NELL2: variants seen among roughly 807,000 people sequenced by gnomAD.
The protein encoded by NELL2 is neural EGFL like 2.
In NELL2, 41 loss-of-function variants were observed where a neutral mutation model predicts 109.6. The ratio of observed to expected loss-of-function variants is 0.37; its 90% CI spans 0.29 to 0.49. The LOEUF (loss-of-function observed/expected upper bound fraction) is 0.49, where lower values mean the gene tolerates loss of function less well. Ranked by LOEUF, NELL2 falls within the 20% of genes least tolerant of loss-of-function variation. The pLI, the probability that NELL2 is intolerant of heterozygous loss-of-function variation, is 0.98. For missense variants in NELL2, 900 were observed against 1,008.3 expected (o/e 0.89, Z 1.45); for synonymous variants, 355 against 344.7 (o/e 1.03, Z -0.33).
At position 44,610,862 on chromosome 12, in the gene NELL2, C is replaced by G. The variant is rs1389364667; in HGVS notation, c.1553G>C (p.Gly518Ala). The G allele has an allele frequency of 6.2e-7, 1 of 1,613,018 alleles. No individual in the cohort carries two copies. The highest frequency in any genetic ancestry group is 1.7e-4 in the Middle Eastern group (1 of 6,056). The change falls in exon 14 of 20, where the codon GGA becomes GCA. Residue 518 changes from glycine (G) to alanine (A), a missense_variant. Transcript: ENST00000429094. Reference sequence around the variant, plus strand: ...AAACCTTTTACCTTTGCATGTCGTTCCATTCCCTGTATAGCCCGGCTTGCA... The same window carrying G: ...AAACCTTTTACCTTTGCATGTCGTTGCATTCCCTGTATAGCCCGGCTTGCA... ...CVCKPGYTGN[G>A]TTCKAFCKDG... is the part of the protein sequence containing the mutation.
In NELL2 at chr12:44,524,275, C is replaced by T. The variant is rs560276548; in HGVS notation, c.1805-791G>A. On this transcript the variant is annotated intron_variant, in intron 16 of 19. Transcript: ENST00000429094. ...AGATGAAAAGCAAACATATCGTGAC[C>T]CACAGATCAGGTCCATAAGAGGAGA... Among the ~76,000 whole-genome samples the T allele has an allele frequency of 2.2e-4, 34 of 152,258 alleles. No individual in the cohort carries two copies. The South Asian group carries it at 6.8e-3, about 31-fold the overall frequency.
At chr12:44,888,417 A>C (rs575063416) in intron 1 of NELL2, among the ~76,000 whole-genome samples, 2 of 149,456 alleles carry the variant, frequency 1.3e-5, no homozygotes, top group Admixed American at 6.7e-5. Context: ...ACTATTTGAC[A>C]AACCTTCACC....
intron 13 of NELL2, among the ~76,000 whole-genome samples, chr12:44,657,463 C>A (rs575271267): frequency 6.6e-6 from 1 of 152,170 alleles, no homozygotes; most frequent in South Asian, 2.1e-4. Context: ...TATGAGACCA[C>A]ATTTAAAAGA....
chr12:44,839,565 C>T (rs943085305), intron 2 of NELL2, among the ~76,000 whole-genome samples: 2 of 152,166 alleles, frequency 1.3e-5, no homozygotes, highest in Admixed American at 1.3e-4. Flanking sequence ...CCAAAAAGGG[C>T]TCTCAGTTTT....
At chr12:44,757,389 A>G in intron 9 of NELL2, among the ~76,000 whole-genome samples, 1 of 152,016 alleles carries the variant, frequency 6.6e-6, no homozygotes, top group South Asian at 2.1e-4. Context: ...AACCCTTCAA[A>G]TGCTTCCTAA....
chr12:44,653,725 A>G (rs2136320262), intron 13 of NELL2, among the ~76,000 whole-genome samples: 1 of 152,312 alleles, frequency 6.6e-6, no homozygotes. Flanking sequence ...TGCATTGATT[A>G]TTGGAAGTCT....
chr12:44,826,418 A>G (rs1212351553), intron 2 of NELL2, among the ~76,000 whole-genome samples: 1 of 152,236 alleles, frequency 6.6e-6, no homozygotes, highest in African/African-American at 2.4e-5. Context: ...TAAAACTATT[A>G]TGATAGTTAC....
chr12:44,791,793 A>T (rs916444542), intron 3 of NELL2, among the ~76,000 whole-genome samples: 1 of 152,116 alleles, frequency 6.6e-6, no homozygotes, highest in Non-Finnish European at 1.5e-5. Flanking sequence ...TGTTATATTT[A>T]AGGTACCTAA....
chr12:44,826,762 C>A lies in NELL2; in HGVS notation c.185-10626G>T, dbSNP rs142026066. 1.6e-3 allele frequency among the ~76,000 whole-genome samples: 236 copies of A among 152,210 alleles called. 1 individual carries two copies. Among genetic ancestry groups the A allele is most frequent in the Non-Finnish European group, 2.4e-3 (162 of 68,008 alleles). On this transcript the variant is annotated intron_variant, in intron 2 of 19. Coordinates refer to ENST00000429094, the MANE Select transcript of NELL2 (RefSeq NM_001145108.2). Reference sequence around the variant, plus strand: ...ATTACAGCAGTATATAGGGATGAACCCACCAAATTCAAGTGGCAGAGCCAG... The same window carrying A: ...ATTACAGCAGTATATAGGGATGAACACACCAAATTCAAGTGGCAGAGCCAG...
chr12:44,579,491 T>G (rs527664330), intron 15 of NELL2, among the ~76,000 whole-genome samples: 73 of 152,334 alleles, frequency 4.8e-4, no homozygotes, highest in African/African-American at 1.7e-3. Context: ...TTCGAGACAG[T>G]GGAAGTAGAC....
chr12:44,605,598 C>T (rs990625337), intron 15 of NELL2, among the ~76,000 whole-genome samples: 2 of 152,162 alleles, frequency 1.3e-5, no homozygotes, highest in East Asian at 1.9e-4. Flanking sequence ...CAGATTTCTA[C>T]AATCTTGTGA....
chr12:44,695,461 G>T (rs756699370), intron 12 of NELL2, among the ~76,000 whole-genome samples: 6 of 152,154 alleles, frequency 3.9e-5, no homozygotes, highest in Non-Finnish European at 5.9e-5. Flanking sequence ...ACTTAAGAAG[G>T]CTGAGTGGGA....
intron 13 of NELL2, among the ~76,000 whole-genome samples, chr12:44,631,962 A>G (rs1197598111): frequency 6.6e-6 from 1 of 152,168 alleles, no homozygotes; most frequent in Non-Finnish European, 1.5e-5. Context: ...GTATATAAAA[A>G]GGATCATACA....
chr12:44,585,215 C>T (rs1188516644), intron 15 of NELL2, among the ~76,000 whole-genome samples: 2 of 152,126 alleles, frequency 1.3e-5, no homozygotes, highest in African/African-American at 2.4e-5. Flanking sequence ...TTTACAGAAA[C>T]GCTTACACAT....
intron 15 of NELL2, among the ~76,000 whole-genome samples, chr12:44,587,494 G>T (rs150720987): frequency 6.6e-6 from 1 of 151,590 alleles, no homozygotes; most frequent in African/African-American, 2.4e-5. Flanking sequence ...TCATAGCTTG[G>T]CCAAGGGAAT....
chr12:44,782,426 G>C (rs1164949823), intron 3 of NELL2, among the ~76,000 whole-genome samples: 1 of 151,860 alleles, frequency 6.6e-6, no homozygotes, highest in Non-Finnish European at 1.5e-5. Flanking sequence ...AAAGTAAATA[G>C]TTTACATGCA....
intron 19 of NELL2, among the ~76,000 whole-genome samples, chr12:44,518,356 T>A (rs1471389337): frequency 2.0e-5 from 3 of 151,956 alleles, no homozygotes; most frequent in East Asian, 1.9e-4. Flanking sequence ...GCCATTCTCC[T>A]ACCTCAGCCT....
At chr12:44,878,367 C>G (rs1004101640), upstream of NELL2, among the ~76,000 whole-genome samples, 1 of 152,126 alleles carries the variant, frequency 6.6e-6, no homozygotes, top group Non-Finnish European at 1.5e-5. Flanking sequence ...TTCTCTAAAA[C>G]TAAGGTATAA....
intron 12 of NELL2, among the ~76,000 whole-genome samples, chr12:44,685,064 T>G (rs1948667948): frequency 6.6e-6 from 1 of 152,114 alleles, no homozygotes; most frequent in Non-Finnish European, 1.5e-5. Context: ...AGTCTCTTTG[T>G]AGGTCACTCA....
Sources: allele counts gnomAD v4.1 joint callset (sites outside exome capture counted in the v4.1 genomes callset), GRCh38; gene constraint gnomAD v4.1.1; transcripts MANE v1.5; gene names NCBI Gene and HGNC (gene_info 2026-07-23, HGNC 2026-07-21).